Variants in SLC14A2 observed in about 807,000 individuals in gnomAD.
The protein encoded by SLC14A2 is urea transporter 2.
In SLC14A2, 91 loss-of-function variants were observed where a neutral mutation model predicts 104.6. The ratio of observed to expected loss-of-function variants is 0.87; its 90% confidence interval spans 0.73 to 1.04. The LOEUF is 1.04. Ranked by LOEUF, SLC14A2 falls within the 50% of genes least tolerant of loss-of-function variation. The pLI, the probability that SLC14A2 is intolerant of heterozygous loss-of-function variation, is 0.00. For synonymous variants in SLC14A2, 476 were observed against 466.4 expected (o/e 1.02, Z -0.27); for missense variants, 1,189 against 1,156.0 (o/e 1.03, Z -0.41).
At chr18:45,423,634 G>T (rs981035311) in intron 1 of SLC14A2, 7 of 151,956 alleles carry the variant, frequency 4.6e-5, no homozygotes, top group African/African-American at 1.7e-4. Context: ...CCTCTGAGCT[G>T]GAAATCAAGC....
At chr18:45,209,709 C>T (rs1330617224), upstream of SLC14A2, among the ~76,000 whole-genome samples, 1 of 152,094 alleles carries the variant, frequency 6.6e-6, no homozygotes, top group Middle Eastern at 3.2e-3. Flanking sequence ...ATCTTGCTAA[C>T]CTATTTTTCG....
At chr18:45,660,534 C>A (rs1198861384) in intron 10 of SLC14A2, among the ~76,000 whole-genome samples, 1 of 152,170 alleles carries the variant, frequency 6.6e-6, no homozygotes. Flanking sequence ...ATGGCAGGTA[C>A]CCCTCTGAGA....
At chr18:45,391,573 C>A (rs1427042740) in intron 1 of SLC14A2, among the ~76,000 whole-genome samples, 1 of 152,172 alleles carries the variant, frequency 6.6e-6, no homozygotes, top group Non-Finnish European at 1.5e-5. Flanking sequence ...TTCTCCACAT[C>A]CTCTCCAGCA....
At chr18:45,662,853 C>T (rs562401605) in intron 10 of SLC14A2, among the ~76,000 whole-genome samples, 1 of 152,254 alleles carries the variant, frequency 6.6e-6, no homozygotes, top group East Asian at 1.9e-4. Flanking sequence ...CCCCCAGGAT[C>T]ACCAGATTTT....
At chr18:45,616,304 A>C (rs935914309) in intron 1 of SLC14A2, among the ~76,000 whole-genome samples, 1 of 152,214 alleles carries the variant, frequency 6.6e-6, no homozygotes, top group Admixed American at 6.5e-5. Context: ...TATTTTAATA[A>C]TATAAAGAGT....
intron 1 of SLC14A2, among the ~76,000 whole-genome samples, chr18:45,244,306 T>C (rs1366727640): frequency 2.6e-5 from 4 of 152,098 alleles, no homozygotes; most frequent in Non-Finnish European, 5.9e-5. Flanking sequence ...GAATAGTTAT[T>C]TCAAACTCTT....
intron 1 of SLC14A2, among the ~76,000 whole-genome samples, chr18:45,273,647 G>A (rs1206892304): frequency 6.6e-6 from 1 of 152,128 alleles, no homozygotes; most frequent in African/African-American, 2.4e-5. Context: ...CAGAGTAATT[G>A]GGTGTGCAAA....
At chr18:45,552,568 T>C (rs2044071255) in intron 2 of SLC14A2, among the ~76,000 whole-genome samples, 2 of 151,982 alleles carry the variant, frequency 1.3e-5, no homozygotes, top group Non-Finnish European at 2.9e-5. Context: ...GGTGGGAAAA[T>C]ACAAACAAAA....
intron 1 of SLC14A2, among the ~76,000 whole-genome samples, chr18:45,229,878 T>G (rs2084157854): frequency 6.6e-6 from 1 of 152,016 alleles, no homozygotes; most frequent in Non-Finnish European, 1.5e-5. Context: ...GTGTAAGTTC[T>G]AAAGCCAGAC....
intron 2 of SLC14A2, among the ~76,000 whole-genome samples, chr18:45,598,137 A>C (rs2044739862): frequency 6.6e-6 from 1 of 152,228 alleles, no homozygotes; most frequent in Non-Finnish European, 1.5e-5. Flanking sequence ...TAGAGACCCG[A>C]GGCCCAATAC....
chr18:45,653,586 C>A (rs1327682489), intron 10 of SLC14A2, among the ~76,000 whole-genome samples: 1 of 152,114 alleles, frequency 6.6e-6, no homozygotes, highest in East Asian at 1.9e-4. Context: ...GGCCCCCAGA[C>A]CCTATGGCCT....
At chr18:45,173,263 A>G in the SLC14A2 span, among the ~76,000 whole-genome samples, 64 of 152,256 alleles carry the variant, frequency 4.2e-4, no homozygotes, top group African/African-American at 1.5e-3. Context: ...AATACAAAAT[A>G]CTAAAGGAAA....
At chr18:45,460,230 C>T (rs1049294923) in intron 1 of SLC14A2, among the ~76,000 whole-genome samples, 1 of 152,182 alleles carries the variant, frequency 6.6e-6, no homozygotes, top group Admixed American at 6.5e-5. Context: ...GCCACCAAAG[C>T]CAGGCAAAGG....
At chr18:45,554,654 T>C (rs1422330563) in intron 2 of SLC14A2, among the ~76,000 whole-genome samples, 1 of 150,022 alleles carries the variant, frequency 6.7e-6, no homozygotes, top group Non-Finnish European at 1.5e-5. Context: ...CTGGGAAGGA[T>C]GGGGGTGTGG....
chr18:45,200,104 G>A, the SLC14A2 span, among the ~76,000 whole-genome samples: 2 of 151,758 alleles, frequency 1.3e-5, no homozygotes, highest in Admixed American at 6.6e-5. Flanking sequence ...TTAATACTTC[G>A]TGCAGTTTTT....
At chr18:45,678,944 CTATT>C in intron 18 of SLC14A2, 27 bp from the exon 19 acceptor site, 2 of 1,495,490 alleles carry the variant, frequency 1.3e-6, no homozygotes, top group African/African-American at 2.9e-5. Context: ...AGTTACTGGT[CTATT>C]TCTTTCTTTT....
intron 1 of SLC14A2, among the ~76,000 whole-genome samples, chr18:45,341,549 T>A (rs1312316734): frequency 6.6e-6 from 1 of 152,126 alleles, no homozygotes; most frequent in Non-Finnish European, 1.5e-5. Flanking sequence ...GAATTCACTT[T>A]TTTAAATGGC....
intron 2 of SLC14A2, among the ~76,000 whole-genome samples, chr18:45,602,033 C>G (rs2044797952): frequency 6.6e-6 from 1 of 152,258 alleles, no homozygotes; most frequent in African/African-American, 2.4e-5. Flanking sequence ...CCAAGTCCCA[C>G]TCTAGGAATA....
At chr18:45,554,819 TAAAC>T (rs2044109900) in intron 2 of SLC14A2, among the ~76,000 whole-genome samples, 1 of 152,180 alleles carries the variant, frequency 6.6e-6, no homozygotes, top group African/African-American at 2.4e-5. Flanking sequence ...GAAAGATCTC[TAAAC>T]CCCCTCATTT....
Sources: allele counts gnomAD v4.1 joint callset (sites outside exome capture counted in the v4.1 genomes callset), GRCh38; gene constraint gnomAD v4.1.1; transcripts MANE v1.5; gene names NCBI Gene and HGNC (gene_info 2026-07-23, HGNC 2026-07-21).